PTCHD4: variants seen among roughly 807,000 people sequenced by gnomAD.
PTCHD4 encodes patched domain containing 4.
Under a neutral mutation model 58.1 loss-of-function variants are expected in PTCHD4, and 33 were observed. That is an observed-to-expected ratio of 0.57 (90% CI 0.43 to 0.76). The LOEUF is 0.76. Among genes scored for constraint, PTCHD4 ranks in the 30% least tolerant of loss-of-function variants. The pLI is 0.00. For missense variants in PTCHD4, 1,058 were observed against 1,027.1 expected (o/e 1.03, Z -0.41); for synonymous variants, 478 against 409.6 (o/e 1.17, Z -2.02).
intron 4 of PTCHD4, among the ~76,000 whole-genome samples, chr6:47,896,014 A>G (rs1190610276): frequency 6.6e-6 from 1 of 152,176 alleles, no homozygotes; most frequent in Non-Finnish European, 1.5e-5. Flanking sequence ...CTAAACAAAT[A>G]CTTTTGAATC....
chr6:48,069,929 G>GA lies in PTCHD4; in HGVS notation c.-969-4dup, dbSNP rs958638871. Among the ~76,000 whole-genome samples the GA allele has an allele frequency of 2.0e-4, 30 of 151,620 alleles. No individual in the cohort carries two copies. The highest frequency in any genetic ancestry group is 6.8e-3 in the Middle Eastern group (2 of 292). ...CCAGACACACCAGGTAGTTTTGCCT[G>GA]AAAAAAAAGAGAGTCGGGTGGGTAG... On this transcript the variant is annotated splice_polypyrimidine_tract_variant and splice_region_variant and intron_variant, in intron 1 of 4. Transcript: ENST00000339488.
intron 4 of PTCHD4, among the ~76,000 whole-genome samples, chr6:47,995,899 C>T (rs919531588): frequency 6.6e-6 from 1 of 152,184 alleles, no homozygotes; most frequent in Non-Finnish European, 1.5e-5. Context: ...AGTATAATTT[C>T]TACCTTCCAT....
intron 1 of PTCHD4, among the ~76,000 whole-genome samples, chr6:48,075,435 G>C (rs1765045081): frequency 6.8e-6 from 1 of 146,650 alleles, no homozygotes; most frequent in Non-Finnish European, 1.5e-5. Context: ...ATCAAGTTTT[G>C]TGGGTTTTTT....
chr6:48,026,528 C>G (rs1286788622), intron 3 of PTCHD4, among the ~76,000 whole-genome samples: 1 of 152,082 alleles, frequency 6.6e-6, no homozygotes, highest in African/African-American at 2.4e-5. Flanking sequence ...TTCTATATGT[C>G]CCCTTCAAAC....
intron 4 of PTCHD4, among the ~76,000 whole-genome samples, chr6:47,981,636 T>C (rs564933592): frequency 2.0e-5 from 3 of 152,346 alleles, no homozygotes; most frequent in South Asian, 2.1e-4. Context: ...CTTTACTAAA[T>C]AGAGGCAATG....
At chr6:47,942,490 G>A (rs945944789) in intron 4 of PTCHD4, among the ~76,000 whole-genome samples, 1 of 152,130 alleles carries the variant, frequency 6.6e-6, no homozygotes, top group African/African-American at 2.4e-5. Context: ...TAAGCTGCAG[G>A]ATCTTTCTCT....
Position 47,876,136 on chromosome 6 carries a change from C to T in PTCHD4, c.*2167G>A, listed in dbSNP as rs910379669. Among the ~76,000 whole-genome samples the T allele has an allele frequency of 2.6e-5, 4 of 151,732 alleles. No homozygotes were observed. The highest frequency in any genetic ancestry group is 9.7e-5 in the African/African-American group (4 of 41,338). On this transcript the variant is annotated 3_prime_UTR_variant, in exon 5 of 5. Transcript: ENST00000339488. Reference sequence around the variant, plus strand: ...CCAAAAACCTCCTCTGAAACTTCTACTTCAGATATGAGATCATGGTCTGGA... The same window carrying T: ...CCAAAAACCTCCTCTGAAACTTCTATTTCAGATATGAGATCATGGTCTGGA...
At position 47,874,049 on chromosome 6, in the gene PTCHD4, A is replaced by G. The variant is rs1365564560; in HGVS notation, c.*4254T>C. Among the ~76,000 whole-genome samples the G allele has an allele frequency of 6.6e-6, 1 of 151,746 alleles. No homozygotes were observed. The highest frequency in any genetic ancestry group is 2.4e-5 in the African/African-American group (1 of 41,372). On this transcript the variant is annotated 3_prime_UTR_variant, in exon 5 of 5. Transcript: ENST00000339488. ...CTCCAATCTCTAAGAGACAATATCT[A>G]AATGTCAGTCTCATGGCATTGTATT...
At chr6:47,936,358 T>C (rs1765999274) in intron 4 of PTCHD4, among the ~76,000 whole-genome samples, 2 of 152,260 alleles carry the variant, frequency 1.3e-5, no homozygotes, top group African/African-American at 2.4e-5. Flanking sequence ...TTTCTTTCAC[T>C]CTAAAAAGTG....
At chr6:47,922,920 G>T (rs2113889421) in intron 4 of PTCHD4, among the ~76,000 whole-genome samples, 1 of 152,202 alleles carries the variant, frequency 6.6e-6, no homozygotes, top group South Asian at 2.1e-4. Flanking sequence ...TATCTTTATT[G>T]CTGACACTGT....
chr6:48,026,262 G>A (rs928297907), intron 3 of PTCHD4, among the ~76,000 whole-genome samples: 2 of 152,134 alleles, frequency 1.3e-5, no homozygotes, highest in Non-Finnish European at 1.5e-5. Flanking sequence ...TGGCTGTGAG[G>A]TTTCTTTGTT....
chr6:47,990,025 C>G (rs558726180), intron 4 of PTCHD4, among the ~76,000 whole-genome samples: 2 of 152,248 alleles, frequency 1.3e-5, no homozygotes, highest in Non-Finnish European at 2.9e-5. Context: ...TCGAACCCAT[C>G]TCTTGAATCA....
chr6:47,948,940 C>T (rs553618241), intron 4 of PTCHD4, among the ~76,000 whole-genome samples: 10 of 152,314 alleles, frequency 6.6e-5, no homozygotes, highest in African/African-American at 1.2e-4. Context: ...CGAGCATATA[C>T]TTGAAGGCTC....
At chr6:47,927,956 A>G (rs1765682836) in intron 4 of PTCHD4, among the ~76,000 whole-genome samples, 2 of 151,972 alleles carry the variant, frequency 1.3e-5, no homozygotes, top group Non-Finnish European at 2.9e-5. Context: ...ATGCACCAAG[A>G]TGAAAAACCC....
chr6:47,960,074 A>G (rs1767021537), intron 4 of PTCHD4, among the ~76,000 whole-genome samples: 1 of 152,140 alleles, frequency 6.6e-6, no homozygotes, highest in South Asian at 2.1e-4. Flanking sequence ...GACAAGACCA[A>G]CAAGTGAGAA....
intron 4 of PTCHD4, among the ~76,000 whole-genome samples, chr6:47,954,382 G>A (rs1000737448): frequency 6.6e-6 from 1 of 151,944 alleles, no homozygotes; most frequent in African/African-American, 2.4e-5. Context: ...AAATAAAAAG[G>A]ACATCATTTA....
At chr6:47,960,416 A>G (rs1767037926) in intron 4 of PTCHD4, among the ~76,000 whole-genome samples, 1 of 152,170 alleles carries the variant, frequency 6.6e-6, no homozygotes, top group Non-Finnish European at 1.5e-5. Context: ...GAAAGTTTTC[A>G]TATTGGATAA....
intron 4 of PTCHD4, among the ~76,000 whole-genome samples, chr6:47,992,284 C>T (rs1212454579): frequency 6.6e-6 from 1 of 152,140 alleles, no homozygotes; most frequent in Admixed American, 6.5e-5. Flanking sequence ...TATACACACA[C>T]ACACGTGAAC....
intron 4 of PTCHD4, among the ~76,000 whole-genome samples, chr6:47,907,652 G>C (rs1764937049): frequency 2.6e-5 from 4 of 152,178 alleles, no homozygotes; most frequent in African/African-American, 7.2e-5. Context: ...CAAAGGACCA[G>C]AAAATAGCTG....
Sources: allele counts gnomAD v4.1 joint callset (sites outside exome capture counted in the v4.1 genomes callset), GRCh38; gene constraint gnomAD v4.1.1; transcripts MANE v1.5; gene names NCBI Gene and HGNC (gene_info 2026-07-23, HGNC 2026-07-21).